Variants in URM1 observed in about 807,000 individuals in gnomAD.
The protein encoded by URM1 is ubiquitin related modifier 1.
A neutral mutation model predicts 17.7 loss-of-function variants in URM1; 11 were observed. The observed-to-expected ratio is 0.62, with a 90% CI of 0.39 to 1.03. URM1 has a LOEUF of 1.03. URM1 is among the 50% of genes least tolerant of loss of function. The pLI, the probability that URM1 is intolerant of heterozygous loss-of-function variation, is 0.00. For missense variants in URM1, 128 were observed against 129.2 expected (o/e 0.99, Z 0.04); for synonymous variants, 48 against 50.6 (o/e 0.95, Z 0.22).
chr9:128,378,241 AAAC>A, intron 2 of URM1, 135 bp downstream of exon 2: 1 of 645,390 alleles, frequency 1.5e-6, no homozygotes, highest in Non-Finnish European at 2.6e-6. Flanking sequence ...AGAGGAATAA[AAAC>A]AAGAGTCTAC....
intron 2 of URM1, among the ~76,000 whole-genome samples, chr9:128,386,121 A>G (rs938573512): frequency 1.3e-5 from 2 of 152,090 alleles, no homozygotes; most frequent in Non-Finnish European, 2.9e-5. Flanking sequence ...TCCTGGTTCC[A>G]TGCAGGCCAG....
intron 1 of URM1, among the ~76,000 whole-genome samples, chr9:128,373,184 A>T (rs1031142030): frequency 3.6e-5 from 1 of 28,134 alleles, no homozygotes; most frequent in Non-Finnish European, 7.5e-5. Flanking sequence ...CCACCCACCC[A>T]CCCACCCACC....
At chr9:128,383,164 C>T (rs1454511988) in intron 2 of URM1, among the ~76,000 whole-genome samples, 1 of 152,132 alleles carries the variant, frequency 6.6e-6, no homozygotes, top group African/African-American at 2.4e-5. Flanking sequence ...CTGATCCCCT[C>T]TCCACCTCCC....
intron 2 of URM1, among the ~76,000 whole-genome samples, chr9:128,386,099 C>T (rs1465306089): frequency 6.6e-6 from 1 of 152,174 alleles, no homozygotes; most frequent in Non-Finnish European, 1.5e-5. Flanking sequence ...TCAGGGCTGT[C>T]CCCTAATTGA....
At chr9:128,382,836 C>T (rs762889224) in intron 2 of URM1, among the ~76,000 whole-genome samples, 22 of 152,182 alleles carry the variant, frequency 1.4e-4, no homozygotes, top group Non-Finnish European at 2.8e-4. Context: ...ACAGCCATCT[C>T]GCTGAAACGG....
intron 1 of URM1, among the ~76,000 whole-genome samples, chr9:128,376,908 C>G (rs886645290): frequency 2.6e-5 from 4 of 151,570 alleles, no homozygotes; most frequent in African/African-American, 9.7e-5. Context: ...ATTGCTTAAG[C>G]CTAGGAGGTC....
At chr9:128,381,877 C>A (rs925500642) in intron 2 of URM1, among the ~76,000 whole-genome samples, 1 of 152,232 alleles carries the variant, frequency 6.6e-6, no homozygotes, top group Non-Finnish European at 1.5e-5. Flanking sequence ...CCCTGAATTA[C>A]TCTAACATCT....
At chr9:128,383,263 G>C (rs373460600) in intron 2 of URM1, among the ~76,000 whole-genome samples, 16 of 151,930 alleles carry the variant, frequency 1.1e-4, no homozygotes, top group East Asian at 5.8e-4. Context: ...AGGTCCCCTC[G>C]CACATCTGTA....
chr9:128,376,896 G>T (rs564230601), intron 1 of URM1, among the ~76,000 whole-genome samples: 1 of 152,226 alleles, frequency 6.6e-6, no homozygotes, highest in South Asian at 2.1e-4. Context: ...TGATGTGGGA[G>T]GATTGCTTAA....
At chr9:128,376,677 T>A (rs561808278) in intron 1 of URM1, among the ~76,000 whole-genome samples, 111 of 137,550 alleles carry the variant, frequency 8.1e-4, no homozygotes, top group African/African-American at 3.2e-3. Context: ...TAAATTTTTT[T>A]AAAAAGTAAA....
chr9:128,389,516 A>AT, intron 4 of URM1, 150 bp from the exon 5 acceptor site: 2 of 1,547,994 alleles, frequency 1.3e-6, no homozygotes, highest in Non-Finnish European at 8.7e-7. Context: ...CATCCTGAAG[A>AT]TTTGCAGGTT....
chr9:128,390,875 G>A lies in URM1; in HGVS notation c.*1141G>A, dbSNP rs1303058496. 6.5e-6 allele frequency: 1 copy of A among 152,672 alleles called. No individual in the cohort carries two copies. The highest frequency in any genetic ancestry group is 1.5e-5 in the Non-Finnish European group (1 of 68,282). 9.5% of individuals were successfully genotyped at this position (152,672 alleles called of 1,614,324 possible). On this transcript the variant is annotated 3_prime_UTR_variant, in exon 5 of 5. Coordinates refer to ENST00000372853, the MANE Select transcript of URM1 (RefSeq NM_030914.4). ...AAAGAGGGGTGGGGGTGAACACTCAGACAATCTGAGAGGGGGTAGTCTAAT... is the reference window on the plus strand; with the variant it reads ...AAAGAGGGGTGGGGGTGAACACTCAAACAATCTGAGAGGGGGTAGTCTAAT...
rs1833306523 is a variant in URM1 at position 128,390,991 on chromosome 9, G to A, written c.*1257G>A. ...TCCCCACCCGTCTGTCCAAGGCTTT[G>A]TCCCACCAGCTGCAGCCAGCAGCCT... On this transcript the variant is annotated 3_prime_UTR_variant, in exon 5 of 5. Coordinates refer to ENST00000372853, the MANE Select transcript of URM1 (RefSeq NM_030914.4). 6.6e-6 allele frequency: 1 copy of A among 152,372 alleles called. No individual in the cohort carries two copies. The highest frequency in any genetic ancestry group is 1.5e-5 in the Non-Finnish European group (1 of 68,164). The allele number at this position is 152,372 out of a possible 1,614,324, so 9.4% of individuals were successfully genotyped here.
chr9:128,382,501 A>T (rs1304721559), intron 2 of URM1, among the ~76,000 whole-genome samples: 1 of 152,202 alleles, frequency 6.6e-6, no homozygotes, highest in Non-Finnish European at 1.5e-5. Flanking sequence ...GAATGTGACA[A>T]GCCTCACAAA....
intron 1 of URM1, among the ~76,000 whole-genome samples, 199 bp downstream of exon 1, chr9:128,371,614 A>G (rs1020580448): frequency 6.6e-6 from 1 of 152,174 alleles, no homozygotes; most frequent in African/African-American, 2.4e-5. Flanking sequence ...ATAGAGGCGC[A>G]CATTGGGAGG....
intron 2 of URM1, among the ~76,000 whole-genome samples, chr9:128,379,650 A>G (rs1234363564): frequency 6.6e-6 from 1 of 151,984 alleles, no homozygotes; most frequent in Admixed American, 6.6e-5. Context: ...ATACAAAAAA[A>G]TTAGCTGGGC....
At chr9:128,388,305 A>G (rs1315295621) in intron 3 of URM1, 2 of 1,059,148 alleles carry the variant, frequency 1.9e-6, no homozygotes, top group African/African-American at 3.4e-5. Context: ...TGCAGCTAGT[A>G]GATTACCATA....
intron 2 of URM1, among the ~76,000 whole-genome samples, chr9:128,380,475 C>T (rs894898045): frequency 6.6e-6 from 1 of 152,096 alleles, no homozygotes; most frequent in Non-Finnish European, 1.5e-5. Flanking sequence ...GACAGATGGC[C>T]ATGCAGCCTT....
chr9:128,389,631 C>G (rs1786096570), intron 4 of URM1, 35 bp from the exon 5 acceptor site: 1 of 1,612,688 alleles, frequency 6.2e-7, no homozygotes, highest in South Asian at 1.1e-5. Flanking sequence ...GAAGGTGGCC[C>G]TGAGGGTCTC....
Sources: allele counts gnomAD v4.1 joint callset (sites outside exome capture counted in the v4.1 genomes callset), GRCh38; gene constraint gnomAD v4.1.1; transcripts MANE v1.5; gene names NCBI Gene and HGNC (gene_info 2026-07-23, HGNC 2026-07-21).